Variants in STARD3NL observed in about 807,000 individuals in gnomAD.
STARD3NL encodes the protein STARD3 N-terminal like, also known as STARD3 N-terminal-like protein.
Under a neutral mutation model 30.9 loss-of-function variants are expected in STARD3NL, and 17 were observed. The observed-to-expected ratio is 0.55, with a 90% CI of 0.38 to 0.82. The LOEUF (loss-of-function observed/expected upper bound fraction) is 0.82. STARD3NL is among the 40% of genes least tolerant of loss of function. The probability of loss-of-function intolerance (pLI) is 0.00; values close to 1 mark genes in which losing one functional copy is unlikely to be tolerated. For synonymous variants in STARD3NL, 112 were observed against 100.5 expected, an observed-to-expected ratio of 1.11 and a Z score of -0.69; for missense variants, 234 against 277.6, an observed-to-expected ratio of 0.84 and a Z score of 1.12.
At chr7:38,225,847 G>A (rs1035842465) in intron 7 of STARD3NL, among the ~76,000 whole-genome samples, 1 of 152,128 alleles carries the variant, frequency 6.6e-6, no homozygotes, top group Admixed American at 6.5e-5. Flanking sequence ...GCTTTCAGCA[G>A]GTTGACACGG....
At chr7:38,226,131 T>G (rs1302914554) in intron 7 of STARD3NL, among the ~76,000 whole-genome samples, 2 of 150,970 alleles carry the variant, frequency 1.3e-5, no homozygotes, top group Non-Finnish European at 2.9e-5. Context: ...GGTCACACTT[T>G]CTTGAATCTT....
intron 1 of STARD3NL, among the ~76,000 whole-genome samples, chr7:38,199,112 TTTTC>T (rs752622381): frequency 2.6e-5 from 4 of 152,160 alleles, no homozygotes; most frequent in Non-Finnish European, 5.9e-5. Flanking sequence ...ACCCAAATGT[TTTTC>T]TTTATTTTCT....
chr7:38,218,955 C>T (rs915936118), intron 6 of STARD3NL, among the ~76,000 whole-genome samples: 20 of 152,136 alleles, frequency 1.3e-4, no homozygotes, highest in South Asian at 4.1e-4. Context: ...GCCAGCAGAC[C>T]GTTTGTAGGA....
intron 1 of STARD3NL, among the ~76,000 whole-genome samples, chr7:38,194,148 T>A (rs1269887660): frequency 6.6e-6 from 1 of 152,182 alleles, no homozygotes; most frequent in Non-Finnish European, 1.5e-5. Context: ...GAGTATTGAC[T>A]TTAGTTATGG....
intron 1 of STARD3NL, among the ~76,000 whole-genome samples, chr7:38,188,221 T>A (rs1011848411): frequency 1.3e-5 from 2 of 152,190 alleles, no homozygotes; most frequent in African/African-American, 4.8e-5. Flanking sequence ...TGTTAACTGA[T>A]CTGTCATCAT....
chr7:38,193,784 A>C (rs1019287884), intron 1 of STARD3NL, among the ~76,000 whole-genome samples: 3 of 152,168 alleles, frequency 2.0e-5, no homozygotes, highest in African/African-American at 7.2e-5. Context: ...GTTATTGTTA[A>C]TATATGATAT....
chr7:38,224,192 G>A (rs1003392372), intron 7 of STARD3NL, among the ~76,000 whole-genome samples: 4 of 152,144 alleles, frequency 2.6e-5, no homozygotes, highest in Non-Finnish European at 5.9e-5. Flanking sequence ...CATATTGTCT[G>A]TATCCACAAG....
chr7:38,191,859 T>C (rs1045403005), intron 1 of STARD3NL, among the ~76,000 whole-genome samples: 1 of 152,094 alleles, frequency 6.6e-6, no homozygotes, highest in Non-Finnish European at 1.5e-5. Flanking sequence ...TTGGACAGGC[T>C]TATTTCTTTG....
At chr7:38,213,240 A>G (rs537529963) in intron 2 of STARD3NL, among the ~76,000 whole-genome samples, 28 of 152,272 alleles carry the variant, frequency 1.8e-4, no homozygotes, top group African/African-American at 6.5e-4. Flanking sequence ...GTGTCTTTCA[A>G]TCATTATTCC....
chr7:38,178,804 G>A (rs1459123149), intron 1 of STARD3NL, among the ~76,000 whole-genome samples: 2 of 151,744 alleles, frequency 1.3e-5, no homozygotes, highest in Admixed American at 1.3e-4. Flanking sequence ...GGTGTAATGC[G>A]TGGGTTGTCC....
intron 7 of STARD3NL, 77 bp downstream of exon 7, chr7:38,219,737 C>G: frequency 8.1e-7 from 1 of 1,241,126 alleles, no homozygotes; most frequent in Admixed American, 1.7e-5. Context: ...CCTACCCCCT[C>G]TGTTTCTCAA....
At chr7:38,196,582 G>A (rs1030925338) in intron 1 of STARD3NL, among the ~76,000 whole-genome samples, 23 of 151,784 alleles carry the variant, frequency 1.5e-4, no homozygotes, top group African/African-American at 4.4e-4. Context: ...AATTTCACTC[G>A]TTTTCACTTG....
In STARD3NL at chr7:38,219,556, C is replaced by T. The variant is rs1450672414; in HGVS notation, c.554-9C>T. Reference sequence around the variant, plus strand: ...CTCATTCCCAACATCTGAATTTCTTCTCTTCCAGGACTCCTGATAGTTCAG... The same window carrying T: ...CTCATTCCCAACATCTGAATTTCTTTTCTTCCAGGACTCCTGATAGTTCAG... On this transcript the variant is annotated splice_polypyrimidine_tract_variant and intron_variant, in intron 6 of 8. Coordinates refer to ENST00000009041, the MANE Select transcript of STARD3NL (RefSeq NM_032016.4). The T allele has an allele frequency of 6.3e-7, 1 of 1,576,618 alleles. No individual in the cohort carries two copies. Among genetic ancestry groups the T allele is most frequent in the Non-Finnish European group, 8.7e-7 (1 of 1,151,946 alleles).
At chr7:38,197,901 G>T (rs80121042) in intron 1 of STARD3NL, among the ~76,000 whole-genome samples, 9 of 152,236 alleles carry the variant, frequency 5.9e-5, no homozygotes, top group Middle Eastern at 3.4e-3. Context: ...GCTTCACCTC[G>T]GAAGGTGAGG....
At position 38,204,257 on chromosome 7, in the gene STARD3NL, T is replaced by G. The variant is rs1208837413; in HGVS notation, c.-58-3190T>G. Among the ~76,000 whole-genome samples, 5 of 152,100 alleles carry G rather than the reference T, an allele frequency of 3.3e-5. No individual in the cohort carries two copies. In the South Asian group the frequency reaches 8.3e-4, roughly 25 times the overall value. On this transcript the variant is annotated intron_variant, in intron 1 of 8. Transcript: ENST00000009041. ...GAAGTAAAGCACTCCTCAGCAAATG[T>G]AAAAGAAGAGAAATTATAACAAACT...
At position 38,217,288 on chromosome 7, in the gene STARD3NL, A is replaced by G. The variant is rs777006591; in HGVS notation, c.536A>G (p.Glu179Gly). The change falls in exon 6 of 9, where the codon GAA becomes GGA. Residue 179 changes from glutamate to glycine, a missense_variant. Physicochemically the swap from Glu to Gly is moderately conservative, Grantham distance 98 (BLOSUM62 -2). Coordinates refer to ENST00000009041, the MANE Select transcript of STARD3NL (RefSeq NM_032016.4). ...WFLDFKVLPQ[E>G]AEEENRLLIV... ...CTGGATTTCAAAGTGTTACCTCAAGAAGCAGAAGAAGAAAACAGTAAGTTC... is the reference window on the plus strand; with the variant it reads ...CTGGATTTCAAAGTGTTACCTCAAGGAGCAGAAGAAGAAAACAGTAAGTTC... 1 of 1,613,914 alleles carries G rather than the reference A, an allele frequency of 6.2e-7. No individual in the cohort carries two copies. Among genetic ancestry groups the G allele is most frequent in the Non-Finnish European group, 8.5e-7 (1 of 1,179,916 alleles).
At chr7:38,218,905 G>A (rs1395034433) in intron 6 of STARD3NL, among the ~76,000 whole-genome samples, 2 of 152,132 alleles carry the variant, frequency 1.3e-5, no homozygotes, top group African/African-American at 4.8e-5. Flanking sequence ...GGCCATCCCT[G>A]TATTGCACTT....
chr7:38,193,433 G>T (rs1206127907), intron 1 of STARD3NL, among the ~76,000 whole-genome samples: 2 of 151,894 alleles, frequency 1.3e-5, no homozygotes. Context: ...CGAGTAGCAG[G>T]GACTACAGGC....
At chr7:38,200,227 C>G (rs1019782310) in intron 1 of STARD3NL, among the ~76,000 whole-genome samples, 1 of 152,124 alleles carries the variant, frequency 6.6e-6, no homozygotes, top group Non-Finnish European at 1.5e-5. Context: ...CCCCACTGTT[C>G]CCCTCAAAGC....
Sources: allele counts gnomAD v4.1 joint callset (sites outside exome capture counted in the v4.1 genomes callset), GRCh38; gene constraint gnomAD v4.1.1; transcripts MANE v1.5; gene names NCBI Gene and HGNC (gene_info 2026-07-23, HGNC 2026-07-21).